SIL1: variants seen among roughly 807,000 people sequenced by gnomAD.
The protein encoded by SIL1 is SIL1 nucleotide exchange factor, also known as nucleotide exchange factor SIL1.
A neutral mutation model predicts 49.1 loss-of-function variants in SIL1; 40 were observed. That is an observed-to-expected ratio of 0.81 (90% CI 0.63 to 1.06). The LOEUF (loss-of-function observed/expected upper bound fraction) is 1.06. SIL1 is among the 50% of genes least tolerant of loss of function. The probability of loss-of-function intolerance (pLI) is 0.00; values close to 1 mark genes in which losing one functional copy is unlikely to be tolerated. For synonymous variants in SIL1, 253 were observed against 250.8 expected, an observed-to-expected ratio of 1.01 and a Z score of -0.08; for missense variants, 500 against 572.6, an observed-to-expected ratio of 0.87 and a Z score of 1.29.
intron 1 of SIL1, among the ~76,000 whole-genome samples, chr5:139,166,545 T>A (rs140081951): frequency 6.6e-6 from 1 of 152,334 alleles, no homozygotes; most frequent in African/African-American, 2.4e-5. Flanking sequence ...TAGTCCCAGC[T>A]ACTTGGAAGG....
chr5:139,181,141 A>G (rs935051938), intron 1 of SIL1, among the ~76,000 whole-genome samples: 23 of 152,216 alleles, frequency 1.5e-4, no homozygotes, highest in Admixed American at 9.2e-4. Flanking sequence ...AGGTTTAAAC[A>G]GTACATAAGC....
intron 1 of SIL1, among the ~76,000 whole-genome samples, chr5:139,151,794 G>A (rs10900859): frequency 0.39 from 59,628 of 151,934 alleles, 12,786 homozygotes; most frequent in South Asian, 0.51. Context: ...CATTTCTGTC[G>A]GATATTTGGT....
At chr5:139,076,833 G>A (rs1030708224) in intron 3 of SIL1, among the ~76,000 whole-genome samples, 2 of 152,046 alleles carry the variant, frequency 1.3e-5, no homozygotes, top group Admixed American at 1.3e-4. Flanking sequence ...CAGAAAGAAA[G>A]AAAAAAGCAA....
chr5:139,010,075 T>C (rs1275156108), intron 7 of SIL1, among the ~76,000 whole-genome samples: 14 of 146,414 alleles, frequency 9.6e-5, no homozygotes, highest in African/African-American at 3.3e-4. Flanking sequence ...CTTGGTTCCA[T>C]TCTCCCCATC....
intron 1 of SIL1, among the ~76,000 whole-genome samples, chr5:139,160,029 G>C (rs919855498): frequency 4.6e-5 from 7 of 152,068 alleles, no homozygotes; most frequent in African/African-American, 1.2e-4. Flanking sequence ...AGCATCTCAA[G>C]TTTGGGGACC....
chr5:139,114,719 C>T (rs139735673), intron 3 of SIL1, among the ~76,000 whole-genome samples: 1 of 152,294 alleles, frequency 6.6e-6, no homozygotes, highest in East Asian at 1.9e-4. Context: ...AGAAGTAGCA[C>T]CAAAAGTAAG....
intron 8 of SIL1, 83 bp downstream of exon 8, chr5:138,951,705 G>A (rs1352628358): frequency 8.4e-6 from 11 of 1,308,534 alleles, no homozygotes; most frequent in Non-Finnish European, 1.2e-5. Flanking sequence ...ATGGTAACAT[G>A]CACAGCCTGG....
intron 1 of SIL1, among the ~76,000 whole-genome samples, chr5:139,191,807 T>A (rs953954538): frequency 9.2e-5 from 14 of 151,728 alleles, no homozygotes; most frequent in Non-Finnish European, 1.9e-4. Context: ...CCAGGCACAG[T>A]GGCTCACGCC....
intron 1 of SIL1, among the ~76,000 whole-genome samples, chr5:139,183,450 G>A (rs1406154590): frequency 2.0e-5 from 3 of 152,170 alleles, no homozygotes; most frequent in Non-Finnish European, 4.4e-5. Flanking sequence ...GATGTCAGGT[G>A]CAGCAGAGTA....
At chr5:139,188,484 T>C (rs372849377) in intron 1 of SIL1, among the ~76,000 whole-genome samples, 6 of 152,204 alleles carry the variant, frequency 3.9e-5, no homozygotes, top group African/African-American at 1.4e-4. Context: ...GTCATAGTGC[T>C]TGGATTTTTT....
intron 1 of SIL1, among the ~76,000 whole-genome samples, chr5:139,173,469 G>A (rs1266441373): frequency 6.6e-6 from 1 of 152,040 alleles, no homozygotes; most frequent in African/African-American, 2.4e-5. Context: ...AGAATTGCTT[G>A]AACCCAGGAG....
At chr5:139,068,394 C>T (rs2150470764) in intron 3 of SIL1, among the ~76,000 whole-genome samples, 1 of 152,222 alleles carries the variant, frequency 6.6e-6, no homozygotes, top group Non-Finnish European at 1.5e-5. Flanking sequence ...TTCAAGGGGC[C>T]ACAGCTGTCT....
chr5:139,077,665 T>C (rs769275641), intron 3 of SIL1, among the ~76,000 whole-genome samples: 15 of 152,082 alleles, frequency 9.9e-5, no homozygotes, highest in Non-Finnish European at 2.1e-4. Flanking sequence ...AACCTCAACC[T>C]GAAAGGGCAG....
At chr5:139,121,817 C>T (rs1750646586) in intron 2 of SIL1, among the ~76,000 whole-genome samples, 1 of 152,202 alleles carries the variant, frequency 6.6e-6, no homozygotes, top group Non-Finnish European at 1.5e-5. Context: ...TTCCTAAAAC[C>T]TGTTGCCTTC....
chr5:138,981,788 T>C (rs1767529943), intron 7 of SIL1, among the ~76,000 whole-genome samples: 2 of 152,028 alleles, frequency 1.3e-5, no homozygotes, highest in African/African-American at 4.8e-5. Context: ...GCACTTGCTC[T>C]CCCACGCTCA....
intron 5 of SIL1, chr5:139,035,544 G>A: frequency 2.0e-6 from 1 of 506,326 alleles, no homozygotes; most frequent in Non-Finnish European, 3.9e-6. Context: ...CAGACCCAGG[G>A]GGCCAATCTT....
intron 3 of SIL1, among the ~76,000 whole-genome samples, chr5:139,078,939 T>A (rs1050210206): frequency 2.2e-4 from 34 of 152,260 alleles, no homozygotes; most frequent in African/African-American, 8.2e-4. Context: ...AAATGTTCTA[T>A]ATCTATGCTG....
At chr5:139,000,903 A>G (rs1333975972) in intron 7 of SIL1, among the ~76,000 whole-genome samples, 2 of 151,894 alleles carry the variant, frequency 1.3e-5, no homozygotes, top group Non-Finnish European at 2.9e-5. Flanking sequence ...GATTATATAT[A>G]TAATATATAA....
intron 3 of SIL1, among the ~76,000 whole-genome samples, chr5:139,056,065 G>A (rs569892664): frequency 2.8e-4 from 42 of 151,910 alleles, no homozygotes; most frequent in African/African-American, 8.2e-4. Context: ...CCAAAGTGCC[G>A]AGATTGCAGC....
Sources: allele counts gnomAD v4.1 joint callset (sites outside exome capture counted in the v4.1 genomes callset), GRCh38; gene constraint gnomAD v4.1.1; transcripts MANE v1.5; gene names NCBI Gene and HGNC (gene_info 2026-07-23, HGNC 2026-07-21).